The following PLA2G4D variants were observed in gnomAD, a reference collection of about 807,000 sequenced individuals.
PLA2G4D encodes the protein phospholipase A2 group IVD, also known as cytosolic phospholipase A2 delta.
PLA2G4D carries 80 observed loss-of-function variants against 94.4 expected under a neutral mutation model. That is an observed-to-expected ratio of 0.85 (90% CI 0.71 to 1.02). PLA2G4D has a LOEUF of 1.02. Among genes scored for constraint, PLA2G4D ranks in the 50% least tolerant of loss-of-function variants. The probability of loss-of-function intolerance (pLI) is 0.00; values close to 1 mark genes in which losing one functional copy is unlikely to be tolerated. For missense variants in PLA2G4D, 1,050 were observed against 1,034.7 expected, an observed-to-expected ratio of 1.01 and a Z score of -0.20; for synonymous variants, 438 against 440.9, an observed-to-expected ratio of 0.99 and a Z score of 0.08.
chr15:42,070,066 C>G lies in PLA2G4D; in HGVS notation c.2073G>C (p.Arg691=). Residue 691 remains arginine, a synonymous_variant, in exon 19 of 20, where the codon CGG becomes CGC. Coordinates refer to ENST00000290472, the MANE Select transcript of PLA2G4D (RefSeq NM_178034.4). ...CCCGGGGGAAGGGCAGCCCCCGGGC[C>G]CGGCAGTACAGCTCCGTCTGCTGCA... ...EALQQTELYC[R]ARGLPFPRVE... 1 of 1,521,296 alleles carries G rather than the reference C, an allele frequency of 6.6e-7. No homozygotes were observed. 94.2% of individuals were successfully genotyped at this position (1,521,296 alleles called of 1,614,324 possible).
Position 42,086,194 on chromosome 15 carries a change from T to TCCGC in PLA2G4D, c.387+18_387+19insGCGG. On this transcript the variant is annotated intron_variant, in intron 4 of 19. Transcript: ENST00000290472. The stretch of plus-strand genomic sequence containing the variant: ...GGAAGAAGTGGGGCCCACGGGGACT[T>TCCGC]CCCCACCCACCCACCCACCTGGGGA... The TCCGC allele has an allele frequency of 7.3e-7, 1 of 1,370,444 alleles. No individual in the cohort carries two copies. The highest frequency in any genetic ancestry group is 1.5e-5 in the South Asian group (1 of 66,866). 84.9% of individuals were successfully genotyped at this position (1,370,444 alleles called of 1,614,324 possible).
chr15:42,094,502 A>T lies in PLA2G4D; in HGVS notation c.-43T>A. ...CACTCCAGGCCCAGCCCTTGCCAAGATGCTGGCTCTCTGGCTGAGTGGCAG... is the reference window on the plus strand; with the variant it reads ...CACTCCAGGCCCAGCCCTTGCCAAGTTGCTGGCTCTCTGGCTGAGTGGCAG... On this transcript the variant is annotated 5_prime_UTR_variant, in exon 1 of 20. Coordinates refer to ENST00000290472, the MANE Select transcript of PLA2G4D (RefSeq NM_178034.4). The T allele has an allele frequency of 6.2e-7, 1 of 1,613,202 alleles. No individual in the cohort carries two copies. Among genetic ancestry groups the T allele is most frequent in the East Asian group, 2.2e-5 (1 of 44,882 alleles).
At chr15:42,078,146 G>C (rs1889964932) in intron 13 of PLA2G4D, among the ~76,000 whole-genome samples, 1 of 152,252 alleles carries the variant, frequency 6.6e-6, no homozygotes, top group Non-Finnish European at 1.5e-5. Flanking sequence ...TGCTCTGCAG[G>C]AGCAGTCACA....
intron 14 of PLA2G4D, 101 bp from the exon 15 acceptor site, chr15:42,072,012 C>T: frequency 1.4e-6 from 2 of 1,410,902 alleles, no homozygotes; most frequent in Non-Finnish European, 1.9e-6. Context: ...CAGGCCTGAG[C>T]CCTGCTGTGC....
In PLA2G4D at chr15:42,084,480, C is replaced by G. The variant is rs886828266; in HGVS notation, c.471+616G>C. 4.6e-5 allele frequency among the ~76,000 whole-genome samples: 7 copies of G among 152,324 alleles called. No homozygotes were observed. The highest frequency in any genetic ancestry group is 1.7e-4 in the African/African-American group (7 of 41,560). ...ATGCTGGGCTCTAGGTGCCTTCGCC[C>G]GTGACCCTGGACCCGCCTGCTCCCA... On this transcript the variant is annotated intron_variant, in intron 6 of 19. Coordinates refer to ENST00000290472, the MANE Select transcript of PLA2G4D (RefSeq NM_178034.4). The surrounding 1 kb of genome is among the most constrained non-coding windows in gnomAD (Gnocchi z 4.8).
rs1002794301 is a variant in PLA2G4D at position 42,071,888 on chromosome 15, C to T, written c.1459G>A (p.Glu487Lys). The T allele has an allele frequency of 5.0e-6, 8 of 1,614,138 alleles. No homozygotes were observed. Among genetic ancestry groups the T allele is most frequent in the African/African-American group, 1.3e-5 (1 of 75,038 alleles). The stretch of plus-strand genomic sequence containing the variant: ...GCCCCGTACTTCAGGAAACCGACCT[C>T]ATAGGGGGAGAACTCAACCCACTCT... ...FKEWVEFSPY[E>K]VGFLKYGAFV... is the part of the protein sequence containing the mutation. Residue 487 changes from glutamate (E) to lysine (K), a missense_variant, in exon 15 of 20, where the codon GAG (glutamate) becomes AAG (lysine). By Grantham distance (56) the Glu-to-Lys change is moderately conservative. Transcript: ENST00000290472.
At position 42,081,820 on chromosome 15, in the gene PLA2G4D, C is replaced by T. The variant is rs190515483; in HGVS notation, c.798G>A (p.Arg266=). Residue 266 remains arginine, a synonymous_variant, in exon 10 of 20, where the codon AGG becomes AGA. Coordinates refer to ENST00000290472, the MANE Select transcript of PLA2G4D (RefSeq NM_178034.4). ...ACCAGCCCTCTGCCTTGAGCTGCAG[C>T]CTCACTCCTGGGGCCTGAAATCAAA... ...DVPAPNAPGV[R]LQLKAEGCPE... 2 of 1,614,234 alleles carry T rather than the reference C, an allele frequency of 1.2e-6. No homozygotes were observed. Among genetic ancestry groups the T allele is most frequent in the African/African-American group, 2.7e-5 (2 of 75,036 alleles).
At chr15:42,080,800 A>G (rs1595594616) in intron 12 of PLA2G4D, among the ~76,000 whole-genome samples, 197 bp downstream of exon 12, 1 of 152,082 alleles carries the variant, frequency 6.6e-6, no homozygotes, top group African/African-American at 2.4e-5. Context: ...TCTGGAATGC[A>G]CCTCCTGCGC....
At chr15:42,089,365 C>T (rs1890211489) in intron 1 of PLA2G4D, among the ~76,000 whole-genome samples, 1 of 152,168 alleles carries the variant, frequency 6.6e-6, no homozygotes. Context: ...GACCATGGGC[C>T]ACAGCAAAGC....
In PLA2G4D at chr15:42,094,425, TG is replaced by T; in HGVS notation, c.34del (p.His12ThrfsTer15). On this transcript the variant is annotated frameshift_variant, in exon 1 of 20. Transcript: ENST00000290472. LOFTEE classifies it high-confidence loss of function. ...ESLSPGGPPGHPYQGEASTCW... is the reference protein window; with the variant it reads ...ESLSPGGPPGXPYQGEASTCW... ...TGCAGACACTGTTACCTGGTAAGGGTGGCCAGGTGGTCCCCCAGGTGACAGG... is the reference window on the plus strand; with the variant it reads ...TGCAGACACTGTTACCTGGTAAGGGTGCCAGGTGGTCCCCCAGGTGACAGG... 6.2e-7 allele frequency: 1 copy of T among 1,614,002 alleles called. No individual in the cohort carries two copies. Among genetic ancestry groups the T allele is most frequent in the Non-Finnish European group, 8.5e-7 (1 of 1,179,954 alleles).
Position 42,069,897 on chromosome 15 carries a change from G to T in PLA2G4D, c.2230+12C>A. 1 of 1,403,128 alleles carries T rather than the reference G, an allele frequency of 7.1e-7. No homozygotes were observed. The highest frequency in any genetic ancestry group is 9.3e-7 in the Non-Finnish European group (1 of 1,078,494). The allele number at this position is 1,403,128 out of a possible 1,614,324, so 86.9% of individuals were successfully genotyped here. The stretch of plus-strand genomic sequence containing the variant: ...GCCAGGCAGCCTGGGTGCTTGGGAG[G>T]GGCTGCCTCACCGGGGGCTGAGTGG... On this transcript the variant is annotated intron_variant, in intron 19 of 19. Coordinates refer to ENST00000290472, the MANE Select transcript of PLA2G4D (RefSeq NM_178034.4).
At position 42,087,618 on chromosome 15, in the gene PLA2G4D, G is replaced by A. The variant is rs769048411; in HGVS notation, c.118+10C>T. On this transcript the variant is annotated intron_variant, in intron 2 of 19. Coordinates refer to ENST00000290472, the MANE Select transcript of PLA2G4D (RefSeq NM_178034.4). ...CTGCTCCCGACAGAGCGCACAGGGCGGTTACTCACACAGGTCAGCCCAGCG... is the reference window on the plus strand; with the variant it reads ...CTGCTCCCGACAGAGCGCACAGGGCAGTTACTCACACAGGTCAGCCCAGCG... The A allele has an allele frequency of 9.3e-6, 15 of 1,614,074 alleles. No individual in the cohort carries two copies. The highest frequency in any genetic ancestry group is 5.0e-5 in the Admixed American group (3 of 60,018).
chr15:42,079,585 G>A lies in PLA2G4D; in HGVS notation c.1269C>T (p.Thr423=), dbSNP rs772171805. ...GCACTAGCGCCCACAGGTCCACAAA[G>A]GTCGTGGGGTGGCCCTGCTCAGCCC... ...ELRAEQGHPT[T]FVDLWALVLE... Residue 423 remains threonine (T), a synonymous_variant, in exon 13 of 20, where the codon ACC becomes ACT. Transcript: ENST00000290472. 3.7e-6 allele frequency: 6 copies of A among 1,608,338 alleles called. No individual in the cohort carries two copies. In the East Asian group the frequency reaches 1.1e-4, roughly 30 times the overall value.
intron 1 of PLA2G4D, among the ~76,000 whole-genome samples, chr15:42,093,816 C>A (rs1890289208): frequency 6.6e-6 from 1 of 152,318 alleles, no homozygotes; most frequent in South Asian, 2.1e-4. Context: ...TGGCCACCAC[C>A]TGGGGCACCG....
intron 1 of PLA2G4D, among the ~76,000 whole-genome samples, chr15:42,089,017 G>A (rs7176459): frequency 0.076 from 11,564 of 152,240 alleles, 558 homozygotes; most frequent in Middle Eastern, 0.13. Context: ...GCCATTCAGC[G>A]GCTCTGCCAC....
intron 13 of PLA2G4D, among the ~76,000 whole-genome samples, chr15:42,074,934 C>T (rs888902587): frequency 6.6e-6 from 1 of 152,000 alleles, no homozygotes; most frequent in Non-Finnish European, 1.5e-5. Context: ...AGCATAGGTG[C>T]TTTTGTTGAG....
chr15:42,091,595 C>A (rs1440619598), intron 1 of PLA2G4D, among the ~76,000 whole-genome samples: 1 of 151,734 alleles, frequency 6.6e-6, no homozygotes, highest in African/African-American at 2.4e-5. Flanking sequence ...TCCCTTTCCC[C>A]GGGGGAGTTA....
intron 1 of PLA2G4D, among the ~76,000 whole-genome samples, chr15:42,093,116 G>C (rs564936920): frequency 6.6e-6 from 1 of 152,268 alleles, no homozygotes; most frequent in Non-Finnish European, 1.5e-5. Flanking sequence ...CCCGCTCTGG[G>C]GCAGGTTCCA....
At position 42,083,065 on chromosome 15, in the gene PLA2G4D, G is replaced by A. The variant is rs938180681; in HGVS notation, c.672+133C>T. The A allele has an allele frequency of 1.4e-4, 173 of 1,203,786 alleles. 1 individual carries two copies. Among genetic ancestry groups the A allele is most frequent in the Non-Finnish European group, 1.9e-4 (166 of 875,802 alleles). The allele number at this position is 1,203,786 out of a possible 1,614,324, so 74.6% of individuals were successfully genotyped here. A position where few individuals can be genotyped will look rare whatever the true frequency, so the allele number is the denominator to read the frequency against. On this transcript the variant is annotated intron_variant, in intron 8 of 19. Transcript: ENST00000290472. ...GTCCTCTGTGTCTGCCAAGAGTGAG[G>A]TGCCTAACTAGGGGAGGCTGACAAG...
Sources: allele counts gnomAD v4.1 joint callset (sites outside exome capture counted in the v4.1 genomes callset), GRCh38; gene constraint gnomAD v4.1.1; non-coding constraint Gnocchi (gnomAD v3.1); transcripts MANE v1.5; gene names NCBI Gene and HGNC (gene_info 2026-07-23, HGNC 2026-07-21).